Variants in HIVEP3 observed in about 807,000 individuals in gnomAD.
HIVEP3 encodes HIVEP zinc finger 3.
In HIVEP3, 49 loss-of-function variants were observed where a neutral mutation model predicts 152.8. That is an observed-to-expected ratio of 0.32 (90% CI 0.26 to 0.41). HIVEP3 has a LOEUF of 0.41. Among genes scored for constraint, HIVEP3 ranks in the 10% least tolerant of loss-of-function variants. The pLI is 1.00. For missense variants in HIVEP3, 2,790 were observed against 3,103.3 expected, an observed-to-expected ratio of 0.90 and a Z score of 2.40; for synonymous variants, 1,269 against 1,289.0, an observed-to-expected ratio of 0.98 and a Z score of 0.33.
chr1:41,825,342 A>G (rs1181126022), intron 1 of HIVEP3, among the ~76,000 whole-genome samples: 1 of 152,132 alleles, frequency 6.6e-6, no homozygotes, highest in Non-Finnish European at 1.5e-5. Flanking sequence ...CACAAAATAC[A>G]TTATCACAAG....
chr1:41,582,457 C>G lies in HIVEP3; in HGVS notation c.2341G>C (p.Gly781Arg), dbSNP rs768858946. 2.5e-5 allele frequency: 40 copies of G among 1,613,884 alleles called. No homozygotes were observed. The Admixed American group carries it at 6.3e-4, about 26-fold the overall frequency. The part of the protein sequence containing the change: ...TGFQPRTPKP[G>R]SGSESGKERR... ...TCCTTCCCTGATTCTGAACCGGACC[C>G]TGGCTTGGGAGTCCTTGGCTGGAAG... Residue 781 changes from glycine to arginine, a missense_variant, in exon 4 of 9, where the codon GGG (glycine) becomes CGG (arginine). By Grantham distance (125) the Gly-to-Arg change is moderately radical. Transcript: ENST00000372583. The surrounding 1 kb of genome is among the most constrained non-coding windows in gnomAD (Gnocchi z 4.7).
At chr1:41,564,345 G>A (rs1191587172) in intron 5 of HIVEP3, among the ~76,000 whole-genome samples, 1 of 152,208 alleles carries the variant, frequency 6.6e-6, no homozygotes, top group Non-Finnish European at 1.5e-5. Flanking sequence ...GAGGGCCAAG[G>A]CCTGAATAAC....
At chr1:41,687,024 G>A (rs1306901775) in intron 2 of HIVEP3, among the ~76,000 whole-genome samples, 1 of 152,152 alleles carries the variant, frequency 6.6e-6, no homozygotes, top group Non-Finnish European at 1.5e-5. Flanking sequence ...GAATGGGGGT[G>A]GTGGCAGTAG....
chr1:41,570,143 A>G (rs1644230705), intron 5 of HIVEP3, among the ~76,000 whole-genome samples: 1 of 152,192 alleles, frequency 6.6e-6, no homozygotes, highest in East Asian at 1.9e-4. Context: ...GTTTAGAGGA[A>G]GAGCACGGAG....
chr1:41,748,375 A>T (rs1366181035), intron 1 of HIVEP3, among the ~76,000 whole-genome samples: 2 of 152,202 alleles, frequency 1.3e-5, no homozygotes, highest in Admixed American at 1.3e-4. Context: ...AAAGCCACAC[A>T]TATCTTTGTT....
At chr1:41,951,095 G>A (rs1214933555) in intron 1 of HIVEP3, among the ~76,000 whole-genome samples, 1 of 152,146 alleles carries the variant, frequency 6.6e-6, no homozygotes, top group African/African-American at 2.4e-5. Context: ...CTTTGCTTCT[G>A]TATTGCCACT....
intron 1 of HIVEP3, among the ~76,000 whole-genome samples, chr1:41,868,468 C>T (rs1487816239): frequency 6.6e-6 from 1 of 152,104 alleles, no homozygotes; most frequent in African/African-American, 2.4e-5. Flanking sequence ...GCCTTAGTAG[C>T]CAGATGAACC....
chr1:42,035,658 G>C (rs1042743283), intron 1 of HIVEP3: 1 of 152,044 alleles, frequency 6.6e-6, no homozygotes, highest in Non-Finnish European at 1.5e-5. Context: ...GCGTTGGGGG[G>C]ATGGGGAGGG....
At chr1:41,935,078 T>C (rs942870120) in intron 1 of HIVEP3, among the ~76,000 whole-genome samples, 2 of 152,172 alleles carry the variant, frequency 1.3e-5, no homozygotes, top group Non-Finnish European at 2.9e-5. Flanking sequence ...GTAAGTCTTG[T>C]CATTAATCAT....
intron 5 of HIVEP3, among the ~76,000 whole-genome samples, chr1:41,527,104 A>C: frequency 2.2e-5 from 2 of 90,950 alleles, no homozygotes; most frequent in Non-Finnish European, 4.4e-5. Context: ...ACCCACACTC[A>C]CCCTCACACA....
At chr1:41,904,592 T>C (rs1411748842) in intron 1 of HIVEP3, among the ~76,000 whole-genome samples, 1 of 152,026 alleles carries the variant, frequency 6.6e-6, no homozygotes, top group Non-Finnish European at 1.5e-5. Context: ...CCATTTGGAG[T>C]TCCCAGACTC....
Position 41,580,238 on chromosome 1 carries a change from C to T in HIVEP3, c.4560G>A (p.Leu1520=). ...CTGAGCCTGGGGCTGTCCCATGGGA[C>T]AATGCAGGGTGAGGGAGGGGAGGAA... ...KEIPPLPHPA[L]SHGTAPGSEA... The change falls in exon 4 of 9, where the codon TTG becomes TTA. Residue 1520 remains leucine, a synonymous_variant. Transcript: ENST00000372583. The T allele has an allele frequency of 6.2e-7, 1 of 1,613,110 alleles. No individual in the cohort carries two copies. The highest frequency in any genetic ancestry group is 8.5e-7 in the Non-Finnish European group (1 of 1,179,516).
At chr1:41,628,149 C>T (rs950836147) in intron 3 of HIVEP3, among the ~76,000 whole-genome samples, 9 of 152,208 alleles carry the variant, frequency 5.9e-5, no homozygotes, top group African/African-American at 1.9e-4. Flanking sequence ...ATCACTATTT[C>T]GGGAGCTGGG....
intron 2 of HIVEP3, among the ~76,000 whole-genome samples, chr1:41,635,602 G>GTATATATACA (rs1371203201): frequency 1.3e-4 from 3 of 22,456 alleles, no homozygotes; most frequent in Non-Finnish European, 2.7e-4. Context: ...ACATACGTAT[G>GTATATATACA]TATATATACA....
rs1247100645 is a variant in HIVEP3, at chr1:41,582,460, G to C, written c.2338C>G (p.Pro780Ala). Reference sequence around the variant, plus strand: ...TTCCCTGATTCTGAACCGGACCCTGGCTTGGGAGTCCTTGGCTGGAAGCCC... The same window carrying C: ...TTCCCTGATTCTGAACCGGACCCTGCCTTGGGAGTCCTTGGCTGGAAGCCC... ...PTGFQPRTPK[P>A]GSGSESGKER... is the part of the protein sequence containing the mutation. Residue 780 changes from proline (P) to alanine (A), a missense_variant, in exon 4 of 9, where the codon CCA becomes GCA. Physicochemically the swap from Pro to Ala is conservative, Grantham distance 27. Coordinates refer to ENST00000372583, the MANE Select transcript of HIVEP3 (RefSeq NM_024503.5). This position sits in a 1 kb window ranked among gnomAD's most constrained non-coding sequence, Gnocchi z 4.7. 6.2e-7 allele frequency: 1 copy of C among 1,613,832 alleles called. No homozygotes were observed. The highest frequency in any genetic ancestry group is 1.7e-5 in the Admixed American group (1 of 60,020).
chr1:41,684,690 C>T (rs1400269065), intron 2 of HIVEP3, among the ~76,000 whole-genome samples: 9 of 152,252 alleles, frequency 5.9e-5, no homozygotes, highest in African/African-American at 2.2e-4. Flanking sequence ...GCAACAGTAT[C>T]TACTTTGTAG....
chr1:41,722,529 T>TCTCC (rs111950120), intron 1 of HIVEP3, among the ~76,000 whole-genome samples: 34 of 119,954 alleles, frequency 2.8e-4, no homozygotes, highest in African/African-American at 8.5e-4. Context: ...TCCTCCCTTC[T>TCTCC]CTCCCTCCCT....
intron 1 of HIVEP3, among the ~76,000 whole-genome samples, chr1:41,721,289 C>A (rs1266882609): frequency 6.6e-6 from 1 of 151,860 alleles, no homozygotes; most frequent in Non-Finnish European, 1.5e-5. Context: ...CTCACTGCAA[C>A]CTCCACATCC....
chr1:41,785,717 C>A (rs1255605919), intron 1 of HIVEP3, among the ~76,000 whole-genome samples: 1 of 152,208 alleles, frequency 6.6e-6, no homozygotes, highest in Non-Finnish European at 1.5e-5. Flanking sequence ...CTTCTCTGGG[C>A]TGGGTGCACT....
Sources: allele counts gnomAD v4.1 joint callset (sites outside exome capture counted in the v4.1 genomes callset), GRCh38; gene constraint gnomAD v4.1.1; non-coding constraint Gnocchi (gnomAD v3.1); transcripts MANE v1.5; gene names NCBI Gene and HGNC (gene_info 2026-07-23, HGNC 2026-07-21).